FAM234B: variants seen among roughly 807,000 people sequenced by gnomAD.
FAM234B encodes the protein protein FAM234B.
A neutral mutation model predicts 69.3 loss-of-function variants in FAM234B; 33 were observed. The ratio of observed to expected loss-of-function variants is 0.48; its 90% CI spans 0.36 to 0.64. The LOEUF is 0.64. Among genes scored for constraint, FAM234B ranks in the 30% least tolerant of loss-of-function variants. The pLI, the probability that FAM234B is intolerant of heterozygous loss-of-function variation, is 0.00. For synonymous variants in FAM234B, 306 were observed against 306.9 expected, an observed-to-expected ratio of 1.00 and a Z score of 0.03; for missense variants, 697 against 769.7, an observed-to-expected ratio of 0.91 and a Z score of 1.12.
rs1864790122 is a variant in FAM234B, at chr12:13,044,969, T to C, written c.37+529T>C. On this transcript the variant is annotated intron_variant, in intron 1 of 12. Coordinates refer to ENST00000197268, the MANE Select transcript of FAM234B (RefSeq NM_020853.2). The surrounding 1 kb of genome is among the most constrained non-coding windows in gnomAD (Gnocchi z 5.6). ...GAAGAGAAAATGAGAGTTATTTGGCTAAGTGAATTGTCCAAGGTCTCACAA... is the reference window on the plus strand; with the variant it reads ...GAAGAGAAAATGAGAGTTATTTGGCCAAGTGAATTGTCCAAGGTCTCACAA... Among the ~76,000 whole-genome samples, 1 of 152,200 alleles carries C rather than the reference T, an allele frequency of 6.6e-6. No homozygotes were observed. Among genetic ancestry groups the C allele is most frequent in the Non-Finnish European group, 1.5e-5 (1 of 68,022 alleles).
intron 5 of FAM234B, 99 bp from the exon 6 acceptor site, chr12:13,066,540 GC>G (rs1215959793): frequency 7.6e-7 from 1 of 1,315,342 alleles, no homozygotes; most frequent in African/African-American, 1.5e-5. Context: ...GTGTTTCTGA[GC>G]CCGTGGCTTA....
chr12:13,046,368 A>G (rs1200195502), intron 1 of FAM234B, among the ~76,000 whole-genome samples: 1 of 152,020 alleles, frequency 6.6e-6, no homozygotes, highest in East Asian at 1.9e-4. Flanking sequence ...GCTCCCCTGT[A>G]ATTGGGGTCC....
chr12:13,052,966 G>A (rs1410759156), intron 1 of FAM234B, among the ~76,000 whole-genome samples: 1 of 152,146 alleles, frequency 6.6e-6, no homozygotes, highest in Non-Finnish European at 1.5e-5. Flanking sequence ...GATGGTTAGG[G>A]AATGGTGTGC....
intron 9 of FAM234B, among the ~76,000 whole-genome samples, chr12:13,069,025 C>T (rs776373425): frequency 1.2e-4 from 19 of 152,102 alleles, no homozygotes; most frequent in Admixed American, 2.0e-4. Context: ...AAATGTAATG[C>T]TTTAACACAC....
chr12:13,055,473 T>C lies in FAM234B; in HGVS notation c.38-78T>C, dbSNP rs1044732865. ...TTTTAGTTTTCCGTGTTCTTCTGGGTATTTACAGTTGCCATATATTTGGTG... is the reference window on the plus strand; with the variant it reads ...TTTTAGTTTTCCGTGTTCTTCTGGGCATTTACAGTTGCCATATATTTGGTG... On this transcript the variant is annotated intron_variant, in intron 1 of 12. Transcript: ENST00000197268. 7.3e-6 allele frequency: 10 copies of C among 1,361,540 alleles called. No individual in the cohort carries two copies. The East Asian group carries it at 1.4e-4, about 19-fold the overall frequency. 84.3% of individuals were successfully genotyped at this position (1,361,540 alleles called of 1,614,324 possible). A position where few individuals can be genotyped will look rare whatever the true frequency, so the allele number is the denominator to read the frequency against.
chr12:13,058,311 A>T, intron 2 of FAM234B, 140 bp from the exon 3 acceptor site: 1 of 706,618 alleles, frequency 1.4e-6, no homozygotes, highest in Non-Finnish European at 2.6e-6. Flanking sequence ...TGCACTTAGC[A>T]GGGGGAGTAG....
In FAM234B at chr12:13,080,821, C is replaced by CT. The variant is rs751792031; in HGVS notation, c.*193dup. ...AGCATGATCTATTTGGCTGGGGCAT[C>CT]TTACCTACCTTTTCAGTCCCTGCAT... On this transcript the variant is annotated 3_prime_UTR_variant, in exon 13 of 13. Coordinates refer to ENST00000197268, the MANE Select transcript of FAM234B (RefSeq NM_020853.2). 1.5e-5 allele frequency: 8 copies of CT among 519,786 alleles called. No individual in the cohort carries two copies. Among genetic ancestry groups the CT allele is most frequent in the Non-Finnish European group, 2.7e-5 (8 of 295,502 alleles). 32.2% of individuals were successfully genotyped at this position (519,786 alleles called of 1,614,324 possible).
At chr12:13,078,051 G>T (rs1402496951) in intron 11 of FAM234B, among the ~76,000 whole-genome samples, 2 of 150,856 alleles carry the variant, frequency 1.3e-5, no homozygotes, top group Admixed American at 6.6e-5. Context: ...GTGTTTTTTG[G>T]CTGCATAAAT....
chr12:13,071,320 C>T lies in FAM234B; in HGVS notation c.1448C>T (p.Thr483Ile), dbSNP rs762767521. Reference sequence around the variant, plus strand: ...TGTCACATGAAAGAAACGCCAGCCACCTCAGCAGTTACTTCAGACCAGAAG... The same window carrying T: ...TGTCACATGAAAGAAACGCCAGCCATCTCAGCAGTTACTTCAGACCAGAAG... ...APCHMKETPA[T>I]SAVTSDQKSV... The change falls in exon 10 of 13, where the codon ACC (threonine) becomes ATC (isoleucine). Residue 483 changes from threonine (T) to isoleucine (I), a missense_variant. Around this residue, in one of 3 missense-constraint regions of FAM234B, gnomAD observed 313 missense variants for 305.5 expected, o/e 1.02. Coordinates refer to ENST00000197268, the MANE Select transcript of FAM234B (RefSeq NM_020853.2). 1.2e-6 allele frequency: 2 copies of T among 1,614,152 alleles called. No individual in the cohort carries two copies. The highest frequency in any genetic ancestry group is 2.2e-5 in the South Asian group (2 of 91,086).
chr12:13,083,431 A>G lies in FAM234B; in HGVS notation c.*2801A>G, dbSNP rs1224558304. 1 of 152,528 alleles carries G rather than the reference A, an allele frequency of 6.6e-6. No individual in the cohort carries two copies. Among genetic ancestry groups the G allele is most frequent in the Non-Finnish European group, 1.5e-5 (1 of 68,018 alleles). 9.4% of individuals were successfully genotyped at this position (152,528 alleles called of 1,614,324 possible). ...AATGTGAACTGTTATAGAGTAAATA[A>G]ATAAATACTCTACAGGAATACACTT... On this transcript the variant is annotated 3_prime_UTR_variant, in exon 13 of 13. Coordinates refer to ENST00000197268, the MANE Select transcript of FAM234B (RefSeq NM_020853.2).
Position 13,073,740 on chromosome 12 carries a change from C to T in FAM234B, c.1525-2286C>T, listed in dbSNP as rs183936983. On this transcript the variant is annotated intron_variant, in intron 10 of 12. Coordinates refer to ENST00000197268, the MANE Select transcript of FAM234B (RefSeq NM_020853.2). ...AACTTTAATTTTTCAACCAGAATTA[C>T]GTAAACTGAACCAATTGAGGTGTCT... Among the ~76,000 whole-genome samples the T allele has an allele frequency of 3.2e-4, 49 of 152,318 alleles. No homozygotes were observed. The East Asian group carries it at 6.7e-3, about 21-fold the overall frequency.
chr12:13,075,853 T>C (rs1591602933), intron 10 of FAM234B, among the ~76,000 whole-genome samples, 173 bp from the exon 11 acceptor site: 1 of 152,270 alleles, frequency 6.6e-6, no homozygotes, highest in African/African-American at 2.4e-5. Context: ...CTTTGAAATA[T>C]GTCTCTTATA....
chr12:13,060,512 A>G (rs1864972984), intron 3 of FAM234B, among the ~76,000 whole-genome samples: 1 of 152,208 alleles, frequency 6.6e-6, no homozygotes, highest in African/African-American at 2.4e-5. Context: ...AGGGTCCTCC[A>G]GTAGGAAGAA....
At chr12:13,066,566 C>T in intron 5 of FAM234B, 74 bp from the exon 6 acceptor site, 2 of 1,473,702 alleles carry the variant, frequency 1.4e-6, no homozygotes, top group South Asian at 2.8e-5. Flanking sequence ...GAGGCAGTGA[C>T]TGTCTGGAGA....
chr12:13,050,442 T>C (rs141016183), intron 1 of FAM234B, among the ~76,000 whole-genome samples: 40 of 152,312 alleles, frequency 2.6e-4, no homozygotes, highest in African/African-American at 9.6e-4. Flanking sequence ...GATGTCAGCT[T>C]GTACTTTTCC....
chr12:13,070,297 T>C (rs1221307987), intron 9 of FAM234B, among the ~76,000 whole-genome samples: 1 of 151,752 alleles, frequency 6.6e-6, no homozygotes, highest in East Asian at 1.9e-4. Flanking sequence ...AAAGGCAATC[T>C]TGAAGTGCTT....
intron 4 of FAM234B, 67 bp from the exon 5 acceptor site, chr12:13,062,778 A>C: frequency 1.3e-6 from 2 of 1,560,066 alleles, no homozygotes; most frequent in South Asian, 1.2e-5. Context: ...TGGCCTGGGA[A>C]CATGGCATCT....
chr12:13,078,224 G>A (rs1865183810), intron 11 of FAM234B, among the ~76,000 whole-genome samples: 1 of 151,848 alleles, frequency 6.6e-6, no homozygotes, highest in Non-Finnish European at 1.5e-5. Context: ...TAGGTTGCCT[G>A]TTCACTCTGA....
In FAM234B at chr12:13,066,707, A is replaced by G. The variant is rs1204246162; in HGVS notation, c.920A>G (p.Asn307Ser). The G allele has an allele frequency of 9.9e-6, 16 of 1,614,020 alleles. No homozygotes were observed. The highest frequency in any genetic ancestry group is 4.5e-5 in the East Asian group (2 of 44,872). ...GNPVGRPVKY[N>S]IVGVGNLIGP... The stretch of plus-strand genomic sequence containing the variant: ...CCAGTGGGTCGACCTGTGAAGTACA[A>G]CATCGTTGGAGTTGGGAATCTGATT... Residue 307 changes from asparagine to serine, a missense_variant, in exon 6 of 13, where the codon AAC becomes AGC. Around this residue, in one of 3 missense-constraint regions of FAM234B, gnomAD observed 380 missense variants for 447.1 expected, o/e 0.85. Coordinates refer to ENST00000197268, the MANE Select transcript of FAM234B (RefSeq NM_020853.2).
Sources: allele counts gnomAD v4.1 joint callset (sites outside exome capture counted in the v4.1 genomes callset), GRCh38; gene constraint gnomAD v4.1.1; regional missense constraint gnomAD v4.1.1; non-coding constraint Gnocchi (gnomAD v3.1); transcripts MANE v1.5; gene names NCBI Gene and HGNC (gene_info 2026-07-23, HGNC 2026-07-21).